Variants in USP46 observed in about 807,000 individuals in gnomAD.
USP46 encodes the protein ubiquitin specific peptidase 46.
In USP46, 12 loss-of-function variants were observed where a neutral mutation model predicts 44.4. The ratio of observed to expected loss-of-function variants is 0.27; its 90% CI spans 0.17 to 0.44. The LOEUF (loss-of-function observed/expected upper bound fraction) is 0.44, where lower values mean the gene tolerates loss of function less well. Among genes scored for constraint, USP46 ranks in the 20% least tolerant of loss-of-function variants. USP46 has a pLI of 1.00. For synonymous variants in USP46, 155 were observed against 161.5 expected, an observed-to-expected ratio of 0.96 and a Z score of 0.31; for missense variants, 248 against 444.8, an observed-to-expected ratio of 0.56 and a Z score of 3.98.
intron 1 of USP46, among the ~76,000 whole-genome samples, chr4:52,632,620 G>A (rs115807084): frequency 0.012 from 1,791 of 152,010 alleles, 22 homozygotes; most frequent in Non-Finnish European, 0.017. Flanking sequence ...TCAGTGGTTC[G>A]AGACCAGCCT....
At chr4:52,605,515 G>A (rs1716653155) in intron 5 of USP46, among the ~76,000 whole-genome samples, 1 of 152,144 alleles carries the variant, frequency 6.6e-6, no homozygotes, top group African/African-American at 2.4e-5. Context: ...AACAGAAAAT[G>A]TTATTTAAAA....
chr4:52,600,158 A>C lies in USP46; in HGVS notation c.921-1452T>G, dbSNP rs1716410202. Among the ~76,000 whole-genome samples the C allele has an allele frequency of 2.6e-5, 4 of 152,306 alleles. No individual in the cohort carries two copies. The South Asian group carries it at 6.2e-4, about 24-fold the overall frequency. On this transcript the variant is annotated intron_variant, in intron 7 of 8. Transcript: ENST00000441222. ...TTATCAGTCTTTCCAGATAGATTAT[A>C]AGCTTTGTGAGGGCAGGGTCCCTGT... is the stretch of plus-strand genomic sequence containing the variant.
At chr4:52,646,501 T>C (rs1242182556) in intron 1 of USP46, among the ~76,000 whole-genome samples, 1 of 152,194 alleles carries the variant, frequency 6.6e-6, no homozygotes, top group Non-Finnish European at 1.5e-5. Flanking sequence ...GTGAGCTACA[T>C]CCAGAAACTA....
intron 7 of USP46, among the ~76,000 whole-genome samples, chr4:52,600,715 A>G (rs1168846836): frequency 6.6e-6 from 1 of 151,706 alleles, no homozygotes; most frequent in Non-Finnish European, 1.5e-5. Flanking sequence ...CTTTAGCCAC[A>G]ATGCCCACCA....
chr4:52,616,295 T>C (rs114154528), intron 4 of USP46, among the ~76,000 whole-genome samples: 1,781 of 152,340 alleles, frequency 0.012, 25 homozygotes, highest in East Asian at 0.05. Flanking sequence ...TGATTCAGAA[T>C]GTCAATAGTT....
rs79561469 is a variant in USP46, at chr4:52,617,584, C to T, written c.562-6967G>A. On this transcript the variant is annotated intron_variant, in intron 4 of 8. Coordinates refer to ENST00000441222, the MANE Select transcript of USP46 (RefSeq NM_022832.4). ...CCCTGCAGGGGCTATCAAAACATGGCGCAAAAGCTTTCCGTTTGGATTTTT... is the reference window on the plus strand; with the variant it reads ...CCCTGCAGGGGCTATCAAAACATGGTGCAAAAGCTTTCCGTTTGGATTTTT... Among the ~76,000 whole-genome samples the T allele has an allele frequency of 3.0e-4, 45 of 152,266 alleles. 1 individual carries two copies. In the East Asian group the frequency reaches 7.5e-3, roughly 25 times the overall value.
intron 1 of USP46, chr4:52,656,709 C>T (rs184777286): frequency 1.4e-4 from 69 of 495,796 alleles, no homozygotes; most frequent in Middle Eastern, 9.8e-4. Flanking sequence ...AGTCTAAGAC[C>T]GGACAACTTG....
At chr4:52,602,137 T>C in intron 6 of USP46, 83 bp from the exon 7 acceptor site, 2 of 1,443,194 alleles carry the variant, frequency 1.4e-6, no homozygotes, top group East Asian at 2.3e-5. Flanking sequence ...ACAAACAGAA[T>C]AGTAGGAGGT....
In USP46 at chr4:52,610,650, A is replaced by C. The variant is rs765877064; in HGVS notation, c.562-33T>G. 9.4e-6 allele frequency: 15 copies of C among 1,598,652 alleles called. No homozygotes were observed. The Admixed American group carries it at 2.5e-4, about 27-fold the overall frequency. On this transcript the variant is annotated intron_variant, in intron 4 of 8. Coordinates refer to ENST00000441222, the MANE Select transcript of USP46 (RefSeq NM_022832.4). ...AAAAAACAGAAACAATATATTAGGC[A>C]TGAAATATGTAGTAGATAAAACTTT... is the stretch of plus-strand genomic sequence containing the variant.
In USP46 at chr4:52,596,145, T is replaced by C. The variant is rs1716230327; in HGVS notation, c.*1495A>G. The C allele has an allele frequency of 6.5e-6, 1 of 152,688 alleles. No individual in the cohort carries two copies. Among genetic ancestry groups the C allele is most frequent in the Non-Finnish European group, 1.5e-5 (1 of 68,046 alleles). The allele number at this position is 152,688 out of a possible 1,614,324, so 9.5% of individuals were successfully genotyped here. On this transcript the variant is annotated 3_prime_UTR_variant, in exon 9 of 9. Coordinates refer to ENST00000441222, the MANE Select transcript of USP46 (RefSeq NM_022832.4). ...ATAAGAAATCCAGTTTTCATCTAGA[T>C]AAAGTGCTATCCTCTTCATTGTTGC...
intron 4 of USP46, among the ~76,000 whole-genome samples, chr4:52,616,039 C>T (rs545429771): frequency 3.3e-5 from 5 of 152,214 alleles, no homozygotes; most frequent in Admixed American, 1.3e-4. Context: ...ATCTGAATAA[C>T]TTTATCAACC....
At chr4:52,648,297 C>T (rs1296476581) in intron 1 of USP46, among the ~76,000 whole-genome samples, 2 of 152,212 alleles carry the variant, frequency 1.3e-5, no homozygotes, top group Admixed American at 6.5e-5. Context: ...GAGCCAATGT[C>T]ACCCAAACTA....
intron 8 of USP46, among the ~76,000 whole-genome samples, chr4:52,598,414 T>C (rs1223516357): frequency 1.3e-5 from 2 of 152,206 alleles, no homozygotes; most frequent in Non-Finnish European, 1.5e-5. Flanking sequence ...GGATGAACCG[T>C]GGAGAACACA....
chr4:52,640,244 T>C (rs1718281717), intron 1 of USP46, among the ~76,000 whole-genome samples: 1 of 152,122 alleles, frequency 6.6e-6, no homozygotes, highest in Admixed American at 6.5e-5. Flanking sequence ...CATAGGACAA[T>C]ACTGTAAATG....
intron 1 of USP46, among the ~76,000 whole-genome samples, chr4:52,649,871 C>T (rs1471362425): frequency 6.6e-6 from 1 of 152,178 alleles, no homozygotes; most frequent in Non-Finnish European, 1.5e-5. Flanking sequence ...ATGCTCACAT[C>T]GGAATCAACT....
chr4:52,628,376 C>T (rs754763555), intron 2 of USP46: 10 of 531,352 alleles, frequency 1.9e-5, no homozygotes, highest in African/African-American at 5.7e-5. Context: ...CACATCATTC[C>T]GGTGCTTCTC....
At chr4:52,617,719 G>C (rs944076071) in intron 4 of USP46, among the ~76,000 whole-genome samples, 1 of 152,028 alleles carries the variant, frequency 6.6e-6, no homozygotes, top group Non-Finnish European at 1.5e-5. Flanking sequence ...GTTCTGTGGG[G>C]TTTTTTTGTT....
intron 1 of USP46, among the ~76,000 whole-genome samples, chr4:52,651,315 G>C (rs981950287): frequency 6.6e-6 from 1 of 152,014 alleles, no homozygotes; most frequent in Non-Finnish European, 1.5e-5. Flanking sequence ...AGAAGGAGGA[G>C]GGAACACTAA....
intron 1 of USP46, among the ~76,000 whole-genome samples, chr4:52,640,769 G>A (rs1213864188): frequency 3.4e-5 from 5 of 147,294 alleles, no homozygotes; most frequent in African/African-American, 1.3e-4. Flanking sequence ...TCACGCCACG[G>A]CACTCCAGCC....
Sources: gnomAD v4.1 joint callset for allele counts (sites outside exome capture counted in the v4.1 genomes callset) on GRCh38, gnomAD v4.1.1 for gene constraint, MANE v1.5 for transcripts, NCBI Gene and HGNC (gene_info 2026-07-23, HGNC 2026-07-21) for gene names.